The following RYR2 variants were observed in gnomAD, a reference collection of about 807,000 sequenced individuals.
RYR2 encodes the protein ryanodine receptor 2, also known as cardiac muscle ryanodine receptor-calcium release channel.
A neutral mutation model predicts 601.1 loss-of-function variants in RYR2; 227 were observed. That is an observed-to-expected ratio of 0.38 (90% CI 0.34 to 0.42). The LOEUF is 0.42. RYR2 is among the 10% of genes least tolerant of loss of function. The pLI is 1.00. For synonymous variants in RYR2, 2,223 were observed against 2,175.1 expected, an observed-to-expected ratio of 1.02 and a Z score of -0.61; for missense variants, 4,646 against 6,156.5, an observed-to-expected ratio of 0.75 and a Z score of 8.21.
At chr1:237,677,426 T>A (rs538012058) in intron 60 of RYR2, among the ~76,000 whole-genome samples, 1 of 152,316 alleles carries the variant, frequency 6.6e-6, no homozygotes, top group Middle Eastern at 3.4e-3. Flanking sequence ...TGGGGAAAAC[T>A]TGGGTGTTTT....
intron 16 of RYR2, among the ~76,000 whole-genome samples, chr1:237,465,258 G>T (rs1659944045): frequency 6.6e-6 from 1 of 151,850 alleles, no homozygotes; most frequent in Admixed American, 6.6e-5. Flanking sequence ...TCTCTTTGGA[G>T]GAATGAATCT....
chr1:237,718,483 C>T lies in RYR2; in HGVS notation c.10516C>T (p.Arg3506Ter), dbSNP rs777431224. The T allele has an allele frequency of 5.0e-6, 8 of 1,593,828 alleles. No individual in the cohort carries two copies. Among genetic ancestry groups the T allele is most frequent in the Non-Finnish European group, 4.3e-6 (5 of 1,162,812 alleles). The change falls in exon 73 of 105, where the codon CGA becomes TGA. Residue 3506 changes from arginine (R) to a stop codon, truncating the protein, a stop_gained. Transcript: ENST00000366574. LOFTEE classifies it high-confidence loss of function. ...FSLKDTEDEV[R>*]DIIRSNIHLQ... ...ACAGAAAGATACCGAGGATGAAGTA[C>T]GAGATATAATCCGCAGCAATATTCA...
At chr1:237,674,884 T>A in intron 60 of RYR2, 38 bp downstream of exon 60, 1 of 1,184,942 alleles carries the variant, frequency 8.4e-7, no homozygotes, top group Non-Finnish European at 1.2e-6. Context: ...GCCCAGTGTT[T>A]GTTGTTTTTA....
chr1:237,565,291 G>A (rs2148240155), intron 27 of RYR2, among the ~76,000 whole-genome samples: 1 of 95,050 alleles, frequency 1.1e-5, no homozygotes, highest in African/African-American at 3.0e-5. Flanking sequence ...TTTGAGACAG[G>A]ATCTCACTCT....
chr1:237,759,907 G>A (rs921883822), intron 83 of RYR2, 55 bp downstream of exon 83: 3 of 1,137,462 alleles, frequency 2.6e-6, no homozygotes, highest in Non-Finnish European at 3.9e-6. Flanking sequence ...TTTTTTCGAA[G>A]CATTTGTTTC....
At chr1:237,395,564 TGAGACAGAG>T (rs1702762175) in intron 10 of RYR2, among the ~76,000 whole-genome samples, 17 of 77,628 alleles carry the variant, frequency 2.2e-4, no homozygotes, top group Non-Finnish European at 2.9e-4. Context: ...TTTTTTTTTT[TGAGACAGAG>T]TCTCGCTTTG....
chr1:237,207,624 G>A (rs1017280963), intron 1 of RYR2, among the ~76,000 whole-genome samples: 28 of 152,138 alleles, frequency 1.8e-4, no homozygotes, highest in African/African-American at 6.0e-4. Flanking sequence ...AGCCCTCACC[G>A]GATGCCGGCT....
intron 10 of RYR2, among the ~76,000 whole-genome samples, chr1:237,413,280 A>G (rs1315231299): frequency 6.6e-6 from 1 of 152,190 alleles, no homozygotes; most frequent in African/African-American, 2.4e-5. Context: ...AAGAGGAACA[A>G]TTCAGGGCAC....
chr1:237,195,734 T>A (rs1219096252), intron 1 of RYR2, among the ~76,000 whole-genome samples: 2 of 152,172 alleles, frequency 1.3e-5, no homozygotes, highest in East Asian at 3.8e-4. Flanking sequence ...GGTTAGCTAT[T>A]TGTCCCCTTT....
chr1:237,150,371 C>T (rs1361365085), intron 1 of RYR2, among the ~76,000 whole-genome samples: 2 of 152,134 alleles, frequency 1.3e-5, no homozygotes. Context: ...CTATCAATAT[C>T]ATTGATGGGA....
At chr1:237,765,399 A>G (rs947405284) in intron 84 of RYR2, among the ~76,000 whole-genome samples, 5 of 152,156 alleles carry the variant, frequency 3.3e-5, no homozygotes, top group Admixed American at 1.3e-4. Context: ...TTTCTTAAAA[A>G]TAGTTTGATT....
At chr1:237,072,610 A>AT (rs1664502028) in intron 1 of RYR2, among the ~76,000 whole-genome samples, 1 of 151,888 alleles carries the variant, frequency 6.6e-6, no homozygotes, top group Non-Finnish European at 1.5e-5. Context: ...GGATTTGGAA[A>AT]CTCGTATTTA....
At chr1:237,520,259 A>G (rs1666961957) in intron 24 of RYR2, among the ~76,000 whole-genome samples, 1 of 152,190 alleles carries the variant, frequency 6.6e-6, no homozygotes, top group Admixed American at 6.5e-5. Context: ...AACAAGGATA[A>G]TTAGACTTCA....
rs76239045 is a variant in RYR2 at position 237,232,138 on chromosome 1, C to T, written c.49-38359C>T. Among the ~76,000 whole-genome samples the T allele has an allele frequency of 6.0e-3, 919 of 152,248 alleles. 11 individuals carry two copies. The highest frequency in any genetic ancestry group is 0.021 in the African/African-American group (870 of 41,560). ...TAACTCCTAAAATCCTTAGAATCTC[C>T]AAAGTGATGTCTTTTGTATGCTAAT... On this transcript the variant is annotated intron_variant, in intron 1 of 104. Transcript: ENST00000366574.
Position 237,819,666 on chromosome 1 carries a change from A to T in RYR2, c.14590+474A>T, listed in dbSNP as rs1249989982. Reference sequence around the variant, plus strand: ...AAACCCCATCTCTACTAAAAATACAAAACTAGCCAGGCGTGGTGGCACACA... The same window carrying T: ...AAACCCCATCTCTACTAAAAATACATAACTAGCCAGGCGTGGTGGCACACA... On this transcript the variant is annotated intron_variant, in intron 101 of 104. Coordinates refer to ENST00000366574, the MANE Select transcript of RYR2 (RefSeq NM_001035.3). This position sits in a 1 kb window ranked among gnomAD's most constrained non-coding sequence, Gnocchi z 4.0. 6.6e-6 allele frequency among the ~76,000 whole-genome samples: 1 copy of T among 152,010 alleles called. No homozygotes were observed. The highest frequency in any genetic ancestry group is 1.9e-4 in the East Asian group (1 of 5,174).
intron 3 of RYR2, among the ~76,000 whole-genome samples, chr1:237,345,489 A>T (rs12097529): frequency 0.071 from 10,783 of 151,238 alleles, 1,079 homozygotes; most frequent in African/African-American, 0.23. Flanking sequence ...AATAAAAAAA[A>T]ATATATATAT....
chr1:237,100,274 T>G (rs983882616), intron 1 of RYR2, among the ~76,000 whole-genome samples: 4 of 152,230 alleles, frequency 2.6e-5, no homozygotes, highest in African/African-American at 9.6e-5. Context: ...AAGTCCCTCC[T>G]GCACATGGCT....
chr1:237,122,636 C>T (rs10925320), intron 1 of RYR2, among the ~76,000 whole-genome samples: 2 of 152,110 alleles, frequency 1.3e-5, no homozygotes, highest in African/African-American at 2.4e-5. Flanking sequence ...GAGCTGAGAT[C>T]GCGCCACTGC....
intron 10 of RYR2, among the ~76,000 whole-genome samples, chr1:237,396,272 A>G (rs776476716): frequency 6.6e-6 from 1 of 152,182 alleles, no homozygotes; most frequent in East Asian, 1.9e-4. Flanking sequence ...TGACTCCAGT[A>G]TGCTTGGCTA....
Sources: allele counts gnomAD v4.1 joint callset (sites outside exome capture counted in the v4.1 genomes callset), GRCh38; gene constraint gnomAD v4.1.1; non-coding constraint Gnocchi (gnomAD v3.1); transcripts MANE v1.5; gene names NCBI Gene and HGNC (gene_info 2026-07-23, HGNC 2026-07-21).